Variants in GABRB3 observed in about 807,000 individuals in gnomAD.
GABRB3 encodes the protein gamma-aminobutyric acid type A receptor subunit beta3, also known as gamma-aminobutyric acid receptor subunit beta-3.
GABRB3 carries 14 observed loss-of-function variants against 52.1 expected under a neutral mutation model. The ratio of observed to expected loss-of-function variants is 0.27; its 90% CI spans 0.18 to 0.42. The LOEUF is 0.42. Ranked by LOEUF, GABRB3 falls within the 10% of genes least tolerant of loss-of-function variation. The pLI is 1.00. For synonymous variants in GABRB3, 260 were observed against 232.3 expected (o/e 1.12, Z -1.08); for missense variants, 307 against 609.1 (o/e 0.50, Z 5.22).
At chr15:26,610,234 T>C (rs1370490991) in intron 4 of GABRB3, among the ~76,000 whole-genome samples, 1 of 152,198 alleles carries the variant, frequency 6.6e-6, no homozygotes, top group Non-Finnish European at 1.5e-5. Context: ...CAGCAAAAAC[T>C]GCATATAAAC....
At chr15:26,594,924 A>T (rs184927915) in intron 4 of GABRB3, among the ~76,000 whole-genome samples, 2 of 152,228 alleles carry the variant, frequency 1.3e-5, no homozygotes, top group Admixed American at 6.5e-5. Context: ...CAGACTGCCT[A>T]TGTGCTAGGG....
chr15:26,670,201 C>G (rs1887846899), intron 3 of GABRB3, among the ~76,000 whole-genome samples: 1 of 152,150 alleles, frequency 6.6e-6, no homozygotes, highest in Admixed American at 6.5e-5. Context: ...GTAAGCGGGG[C>G]GGGGCGGCGA....
intron 8 of GABRB3, chr15:26,553,538 C>A (rs950015989): frequency 6.6e-6 from 1 of 152,120 alleles, no homozygotes; most frequent in African/African-American, 2.4e-5. Context: ...CAGAAAAAAA[C>A]AGAAAGCATT....
At chr15:26,763,558 T>C (rs1365734564) in intron 3 of GABRB3, among the ~76,000 whole-genome samples, 1 of 150,922 alleles carries the variant, frequency 6.6e-6, no homozygotes, top group Non-Finnish European at 1.5e-5. Context: ...TTACAATAAA[T>C]TATCCGAATT....
In GABRB3 at chr15:26,614,797, CTT is replaced by C. The variant is rs1424086554; in HGVS notation, c.461+6515_461+6516del. 3 of 152,314 alleles carry C rather than the reference CTT, an allele frequency of 2.0e-5. No homozygotes were observed. The East Asian group carries it at 5.8e-4, about 29-fold the overall frequency. The allele number at this position is 152,314 out of a possible 1,614,324, so 9.4% of individuals were successfully genotyped here. On this transcript the variant is annotated intron_variant, in intron 4 of 8. Transcript: ENST00000311550. ...GCTTCATTTTAATATTGCTTTCAAT[CTT>C]TAAGTATAGAAATGGCAATTTTGCC... is the stretch of plus-strand genomic sequence containing the variant.
At chr15:26,633,996 C>T (rs58152239) in intron 3 of GABRB3, among the ~76,000 whole-genome samples, 6,180 of 152,266 alleles carry the variant, frequency 0.041, 425 homozygotes, top group African/African-American at 0.14. Flanking sequence ...CAAAGTGACT[C>T]CTCCATATAA....
Position 26,716,811 on chromosome 15 carries a change from A to T in GABRB3, c.240+55591T>A, listed in dbSNP as rs1410821941. ...AGCCCAGCTCTGAGGACCTCCACCC[A>T]ACCACAGCCCAGCTCTGAGGACCTC... On this transcript the variant is annotated intron_variant, in intron 3 of 8. Transcript: ENST00000311550. 4,831 of 1,088,424 alleles carry T rather than the reference A, an allele frequency of 4.4e-3. 578 individuals carry two copies. Among genetic ancestry groups the T allele is most frequent in the African/African-American group, 0.041 (1,912 of 46,920 alleles). The allele number at this position is 1,088,424 out of a possible 1,614,324, so 67.4% of individuals were successfully genotyped here.
intron 3 of GABRB3, among the ~76,000 whole-genome samples, chr15:26,714,666 T>C (rs1889410908): frequency 6.6e-6 from 1 of 152,172 alleles, no homozygotes; most frequent in Non-Finnish European, 1.5e-5. Context: ...GGGGCGACTT[T>C]GAATAGAATG....
At chr15:26,580,267 C>A (rs367594260) in intron 6 of GABRB3, 52 bp downstream of exon 6, 7 of 1,610,410 alleles carry the variant, frequency 4.3e-6, no homozygotes. Context: ...ACTCCAGTCA[C>A]GCCCATGGAG....
intron 3 of GABRB3, among the ~76,000 whole-genome samples, chr15:26,765,971 A>G (rs1181075692): frequency 6.6e-6 from 1 of 152,130 alleles, no homozygotes; most frequent in Non-Finnish European, 1.5e-5. Context: ...AGTCGGTGCT[A>G]TTTCTGAGCC....
chr15:26,773,123 G>C (rs1362401014), upstream of GABRB3: 3 of 627,796 alleles, frequency 4.8e-6, no homozygotes, highest in Non-Finnish European at 6.1e-6. Flanking sequence ...GCGGGCGCTG[G>C]GAGAGGAAGG....
chr15:26,616,170 G>T, intron 4 of GABRB3: 1 of 1,006,732 alleles, frequency 9.9e-7, no homozygotes, highest in Non-Finnish European at 1.4e-6. Context: ...CGGGAGGGAA[G>T]GTGGGCCTTG....
chr15:26,635,857 ATTCAT>A (rs1238066264), intron 3 of GABRB3, among the ~76,000 whole-genome samples: 4 of 152,238 alleles, frequency 2.6e-5, no homozygotes, highest in Non-Finnish European at 5.9e-5. Context: ...GAGCAAGTCT[ATTCAT>A]TTCTGAGATC....
chr15:26,719,991 T>C (rs537182644), intron 3 of GABRB3, among the ~76,000 whole-genome samples: 2 of 152,294 alleles, frequency 1.3e-5, no homozygotes, highest in South Asian at 4.1e-4. Flanking sequence ...GAAATTTAAA[T>C]GGCCTATTCC....
intron 3 of GABRB3, among the ~76,000 whole-genome samples, chr15:26,665,908 G>A (rs528889411): frequency 1.3e-5 from 2 of 152,308 alleles, no homozygotes; most frequent in African/African-American, 4.8e-5. Context: ...AATAAAAAGT[G>A]TGCATTTGTG....
chr15:26,740,778 G>A (rs2140160079), intron 3 of GABRB3, among the ~76,000 whole-genome samples: 1 of 152,254 alleles, frequency 6.6e-6, no homozygotes, highest in South Asian at 2.1e-4. Flanking sequence ...ACGTTGTCCA[G>A]GACAGCCTTG....
chr15:26,708,813 T>C (rs1156817196), intron 3 of GABRB3, among the ~76,000 whole-genome samples: 2 of 152,172 alleles, frequency 1.3e-5, no homozygotes, highest in Non-Finnish European at 2.9e-5. Flanking sequence ...GCAAGGTATA[T>C]AAAACCAGCT....
At chr15:26,746,654 TAAAGGC>T (rs1890350606) in intron 3 of GABRB3, among the ~76,000 whole-genome samples, 1 of 151,658 alleles carries the variant, frequency 6.6e-6, no homozygotes, top group South Asian at 2.1e-4. Flanking sequence ...ACCACTGTTA[TAAAGGC>T]ACTCCACTGA....
At chr15:26,704,398 C>G (rs185966131) in intron 3 of GABRB3, among the ~76,000 whole-genome samples, 8 of 152,314 alleles carry the variant, frequency 5.3e-5, no homozygotes, top group Admixed American at 1.3e-4. Context: ...TGAGGTCATT[C>G]TCCTATTGTC....
Sources: gnomAD v4.1 joint callset for allele counts (sites outside exome capture counted in the v4.1 genomes callset) on GRCh38, gnomAD v4.1.1 for gene constraint, MANE v1.5 for transcripts, NCBI Gene and HGNC (gene_info 2026-07-23, HGNC 2026-07-21) for gene names.